Variants in KCNIP4 observed in about 807,000 individuals in gnomAD.
The protein encoded by KCNIP4 is potassium voltage-gated channel interacting protein 4.
A neutral mutation model predicts 34.0 loss-of-function variants in KCNIP4; 12 were observed. That is an observed-to-expected ratio of 0.35 (90% CI 0.23 to 0.57). KCNIP4 has a LOEUF of 0.57. Ranked by LOEUF, KCNIP4 falls within the 20% of genes least tolerant of loss-of-function variation. The probability of loss-of-function intolerance (pLI) is 0.83; values close to 1 mark genes in which losing one functional copy is unlikely to be tolerated. For missense variants in KCNIP4, 238 were observed against 311.7 expected (o/e 0.76, Z 1.78); for synonymous variants, 124 against 102.2 (o/e 1.21, Z -1.29).
rs12506724 is a variant in KCNIP4 at position 21,606,741 on chromosome 4, G to T, written c.61+341830C>A. On this transcript the variant is annotated intron_variant, in intron 1 of 8. Transcript: ENST00000382152. ...CCCGAGTAGCTGGGATAACAGGAGC[G>T]CATCACTACATCCAGCTAATTTTTG... 4.4e-3 allele frequency among the ~76,000 whole-genome samples: 664 copies of T among 152,122 alleles called. 9 individuals carry two copies. Among genetic ancestry groups the T allele is most frequent in the African/African-American group, 0.015 (628 of 41,502 alleles).
At chr4:21,067,092 T>G (rs551274226) in intron 1 of KCNIP4, among the ~76,000 whole-genome samples, 1 of 152,040 alleles carries the variant, frequency 6.6e-6, no homozygotes, top group African/African-American at 2.4e-5. Context: ...CCGGACAGAG[T>G]CCTGAGGCCC....
intron 1 of KCNIP4, among the ~76,000 whole-genome samples, chr4:20,950,846 C>T (rs1460060417): frequency 4.6e-5 from 7 of 152,202 alleles, no homozygotes; most frequent in East Asian, 1.9e-4. Flanking sequence ...GCAGGGTGCA[C>T]TCTCTGCTGT....
chr4:21,685,998 G>A (rs1750777204), intron 1 of KCNIP4, among the ~76,000 whole-genome samples: 1 of 152,188 alleles, frequency 6.6e-6, no homozygotes, highest in South Asian at 2.1e-4. Flanking sequence ...GCTTTTTATA[G>A]AACTGGCTTC....
intron 1 of KCNIP4, among the ~76,000 whole-genome samples, chr4:21,189,314 T>C (rs78818028): frequency 6.6e-6 from 1 of 152,280 alleles, no homozygotes; most frequent in East Asian, 1.9e-4. Flanking sequence ...GCTCCATCCA[T>C]ATGCCTTTTT....
chr4:21,720,765 G>A (rs546364300), intron 1 of KCNIP4, among the ~76,000 whole-genome samples: 16 of 146,582 alleles, frequency 1.1e-4, no homozygotes, highest in Middle Eastern at 7.1e-3. Context: ...CCACCTATGC[G>A]GTGTTTGTTT....
chr4:21,520,180 A>G (rs1484964573), intron 1 of KCNIP4, among the ~76,000 whole-genome samples: 1 of 151,988 alleles, frequency 6.6e-6, no homozygotes, highest in Non-Finnish European at 1.5e-5. Flanking sequence ...TTCCCAGCCC[A>G]CTGATTCAAA....
At chr4:21,827,159 A>T (rs1272901482) in intron 1 of KCNIP4, among the ~76,000 whole-genome samples, 2 of 152,106 alleles carry the variant, frequency 1.3e-5, no homozygotes, top group East Asian at 3.9e-4. Flanking sequence ...TTTTAAGAAC[A>T]CAAAATAAAT....
At chr4:21,941,916 TGACA>T (rs1381216444) in intron 1 of KCNIP4, among the ~76,000 whole-genome samples, 3 of 152,206 alleles carry the variant, frequency 2.0e-5, no homozygotes, top group African/African-American at 7.2e-5. Context: ...GTTTAAATAC[TGACA>T]GTCACCCCTT....
At chr4:21,400,555 CT>C (rs1723453982) in intron 1 of KCNIP4, among the ~76,000 whole-genome samples, 1 of 86,720 alleles carries the variant, frequency 1.2e-5, no homozygotes, top group African/African-American at 3.8e-5. Context: ...CTTCTCTTCT[CT>C]TCTCTTCTCT....
chr4:21,825,797 A>G lies in KCNIP4; in HGVS notation c.61+122774T>C, dbSNP rs542841210. Among the ~76,000 whole-genome samples the G allele has an allele frequency of 2.0e-5, 3 of 152,282 alleles. No individual in the cohort carries two copies. In the East Asian group the frequency reaches 5.8e-4, roughly 29 times the overall value. ...ACAATTCCATGCTCTCATGGAAACC[A>G]TATTTTAGCAGGAAAAACAAGACGG... On this transcript the variant is annotated intron_variant, in intron 1 of 8. Transcript: ENST00000382152.
chr4:21,791,601 CTG>C (rs942090946), intron 1 of KCNIP4, among the ~76,000 whole-genome samples: 8 of 152,104 alleles, frequency 5.3e-5, no homozygotes, highest in African/African-American at 1.9e-4. Context: ...AGTAAGATGT[CTG>C]TGTCCACACT....
intron 1 of KCNIP4, among the ~76,000 whole-genome samples, chr4:21,472,824 G>C (rs567327835): frequency 5.8e-4 from 88 of 152,128 alleles, no homozygotes; most frequent in African/African-American, 1.8e-3. Context: ...TGCAAAATGA[G>C]TGTTAAAAAT....
intron 1 of KCNIP4, among the ~76,000 whole-genome samples, chr4:21,942,532 G>A (rs1186590317): frequency 6.6e-6 from 1 of 152,174 alleles, no homozygotes; most frequent in Non-Finnish European, 1.5e-5. Flanking sequence ...TGCTATAGAT[G>A]CAAGAACATT....
At chr4:20,817,508 C>G (rs1015300229) in intron 3 of KCNIP4, among the ~76,000 whole-genome samples, 1 of 152,122 alleles carries the variant, frequency 6.6e-6, no homozygotes, top group African/African-American at 2.4e-5. Context: ...CTTTAAATTC[C>G]TGAATCAAAT....
At chr4:21,515,780 T>TTC (rs1734708639) in intron 1 of KCNIP4, among the ~76,000 whole-genome samples, 1 of 152,192 alleles carries the variant, frequency 6.6e-6, no homozygotes, top group South Asian at 2.1e-4. Flanking sequence ...CCTTCTTGCC[T>TTC]TCTCTCTCTC....
intron 1 of KCNIP4, among the ~76,000 whole-genome samples, chr4:21,889,231 C>T (rs923757927): frequency 2.6e-5 from 4 of 151,916 alleles, no homozygotes; most frequent in Admixed American, 6.6e-5. Context: ...GTTTTATATA[C>T]AAAAATTATT....
chr4:20,952,414 C>T (rs571186323), intron 1 of KCNIP4, among the ~76,000 whole-genome samples: 1 of 152,240 alleles, frequency 6.6e-6, no homozygotes, highest in Non-Finnish European at 1.5e-5. Flanking sequence ...TCAATTATCA[C>T]AATGTATGTA....
chr4:21,290,004 G>T (rs961845803), intron 1 of KCNIP4, among the ~76,000 whole-genome samples: 1 of 152,016 alleles, frequency 6.6e-6, no homozygotes, highest in East Asian at 1.9e-4. Context: ...GCTTCTCTTA[G>T]CAGGTACAAA....
In KCNIP4 at chr4:20,995,335, G is replaced by A. The variant is rs974249603; in HGVS notation, c.62-112626C>T. On this transcript the variant is annotated intron_variant, in intron 1 of 8. Coordinates refer to ENST00000382152, the MANE Select transcript of KCNIP4 (RefSeq NM_025221.6). ...ATAAAAGCATCTATCTCACAGTGCTGTCAGGGGCAATGAATGCGTTAATGT... is the reference window on the plus strand; with the variant it reads ...ATAAAAGCATCTATCTCACAGTGCTATCAGGGGCAATGAATGCGTTAATGT... Among the ~76,000 whole-genome samples the A allele has an allele frequency of 3.9e-5, 6 of 152,148 alleles. No homozygotes were observed. The South Asian group carries it at 1.2e-3, about 32-fold the overall frequency.
Sources: gnomAD v4.1 joint callset for allele counts (sites outside exome capture counted in the v4.1 genomes callset) on GRCh38, gnomAD v4.1.1 for gene constraint, MANE v1.5 for transcripts, NCBI Gene and HGNC (gene_info 2026-07-23, HGNC 2026-07-21) for gene names.